The following EREG variants were observed in gnomAD, a reference collection of about 807,000 sequenced individuals.
The protein encoded by EREG is proepiregulin.
EREG carries 23 observed loss-of-function variants against 22.4 expected under a neutral mutation model. The ratio of observed to expected loss-of-function variants is 1.03; its 90% CI spans 0.74 to 1.46. The LOEUF (loss-of-function observed/expected upper bound fraction) is 1.46. Ranked by LOEUF, EREG falls within the 40% of genes most tolerant of loss-of-function variation. The pLI is 0.00. For synonymous variants in EREG, 100 were observed against 75.4 expected, an observed-to-expected ratio of 1.33 and a Z score of -1.69; for missense variants, 226 against 205.9, an observed-to-expected ratio of 1.10 and a Z score of -0.60.
chr4:74,376,772 A>G (rs1425851773), intron 1 of EREG, among the ~76,000 whole-genome samples: 1 of 152,180 alleles, frequency 6.6e-6, no homozygotes, highest in Non-Finnish European at 1.5e-5. Context: ...ATAAATTTGT[A>G]ACTCTTCTCT....
At chr4:74,369,868 T>C (rs1478207139) in intron 1 of EREG, among the ~76,000 whole-genome samples, 1 of 152,098 alleles carries the variant, frequency 6.6e-6, no homozygotes, top group African/African-American at 2.4e-5. Flanking sequence ...TAATTGTATG[T>C]AGATTTAATG....
chr4:74,370,582 A>T (rs574218125), intron 1 of EREG, among the ~76,000 whole-genome samples: 1 of 152,100 alleles, frequency 6.6e-6, no homozygotes, highest in South Asian at 2.1e-4. Context: ...TTATATTATT[A>T]TATTATTCAG....
chr4:74,384,570 C>CTT (rs5859426), intron 4 of EREG, among the ~76,000 whole-genome samples, 157 bp from the exon 5 acceptor site: 1 of 141,356 alleles, frequency 7.1e-6, no homozygotes, highest in Non-Finnish European at 1.5e-5. Context: ...CTTCATCCCT[C>CTT]TTTTTTTTTT....
At chr4:74,373,327 C>G (rs555431756) in intron 1 of EREG, among the ~76,000 whole-genome samples, 2 of 152,062 alleles carry the variant, frequency 1.3e-5, no homozygotes, top group South Asian at 4.1e-4. Context: ...GAAAGTATAA[C>G]TTAATGCTTA....
At position 74,388,357 on chromosome 4, in the gene EREG, T is replaced by C. The variant is rs1752607344; in HGVS notation, c.*3549T>C. On this transcript the variant is annotated 3_prime_UTR_variant, in exon 5 of 5. Coordinates refer to ENST00000244869, the MANE Select transcript of EREG (RefSeq NM_001432.3). Reference sequence around the variant, plus strand: ...AGTATTTCTGGTGTATATTTTAATGTTTTTAAAAAGAGTAATTTCATTTAA... The same window carrying C: ...AGTATTTCTGGTGTATATTTTAATGCTTTTAAAAAGAGTAATTTCATTTAA... The C allele has an allele frequency of 6.6e-6, 1 of 152,332 alleles. No individual in the cohort carries two copies. The highest frequency in any genetic ancestry group is 1.5e-5 in the Non-Finnish European group (1 of 68,022). The allele number at this position is 152,332 out of a possible 1,614,324, so 9.4% of individuals were successfully genotyped here. A position where few individuals can be genotyped will look rare whatever the true frequency, so the allele number is the denominator to read the frequency against.
chr4:74,379,573 A>C, intron 2 of EREG, 39 bp downstream of exon 2: 1 of 1,172,572 alleles, frequency 8.5e-7, no homozygotes, highest in East Asian at 2.3e-5. Flanking sequence ...AAGAGACTAC[A>C]TATTTTTAAA....
intron 1 of EREG, among the ~76,000 whole-genome samples, chr4:74,376,433 A>G (rs1437060184): frequency 6.6e-6 from 1 of 152,226 alleles, no homozygotes; most frequent in Non-Finnish European, 1.5e-5. Flanking sequence ...AGGAAACTGT[A>G]TTAGTTAAAG....
chr4:74,373,395 G>A (rs945269380), intron 1 of EREG, among the ~76,000 whole-genome samples: 3 of 151,660 alleles, frequency 2.0e-5, no homozygotes, highest in African/African-American at 7.3e-5. Flanking sequence ...AGATTCTATG[G>A]CTATTTTTCA....
Position 74,382,821 on chromosome 4 carries a change from C to A in EREG, c.428+27C>A, listed in dbSNP as rs955451778. 7 of 1,574,586 alleles carry A rather than the reference C, an allele frequency of 4.4e-6. No homozygotes were observed. In the South Asian group the frequency reaches 5.7e-5, roughly 13 times the overall value. On this transcript the variant is annotated intron_variant, in intron 4 of 4. Transcript: ENST00000244869. ...TAAGTCAGTGTGGTTTTATACTCTG[C>A]TTTTACAAATTACTTTTACATAATG...
chr4:74,381,230 T>C, intron 3 of EREG, 93 bp downstream of exon 3: 1 of 1,121,920 alleles, frequency 8.9e-7, no homozygotes, highest in Non-Finnish European at 1.3e-6. Context: ...ATATATTCAG[T>C]AGTGGTGAAG....
At chr4:74,378,929 A>G (rs147004840) in intron 1 of EREG, among the ~76,000 whole-genome samples, 1 of 152,222 alleles carries the variant, frequency 6.6e-6, no homozygotes, top group East Asian at 1.9e-4. Flanking sequence ...CCTAGCTTTC[A>G]CTGTATTAAT....
Position 74,377,709 on chromosome 4 carries a change from C to A in EREG, c.68-1739C>A, listed in dbSNP as rs1162955384. ...TCAGGAAACTTATCATGGCCGAAGG[C>A]GAAGGGGAAGCAAGCCCCTTTTTCA... is the stretch of plus-strand genomic sequence containing the variant. On this transcript the variant is annotated intron_variant, in intron 1 of 4. Transcript: ENST00000244869. Among the ~76,000 whole-genome samples, 3 of 152,172 alleles carry A rather than the reference C, an allele frequency of 2.0e-5. 1 individual carries two copies. Among genetic ancestry groups the A allele is most frequent in the Admixed American group, 2.0e-4 (3 of 15,278 alleles).
intron 1 of EREG, among the ~76,000 whole-genome samples, chr4:74,377,430 T>A (rs1222935320): frequency 6.6e-6 from 1 of 152,214 alleles, no homozygotes; most frequent in African/African-American, 2.4e-5. Context: ...AAGTGGCCCA[T>A]TTAACAATAT....
Position 74,365,774 on chromosome 4 carries a change from C to G in EREG, c.67+399C>G, listed in dbSNP as rs543392199. On this transcript the variant is annotated intron_variant, in intron 1 of 4. Coordinates refer to ENST00000244869, the MANE Select transcript of EREG (RefSeq NM_001432.3). ...TTTGTTGGAGAGTGGGGAATAGAAA[C>G]TAGCGTAAGAAATTTTTTGGAGGGG... is the stretch of plus-strand genomic sequence containing the variant. 4.7e-5 allele frequency among the ~76,000 whole-genome samples: 7 copies of G among 148,198 alleles called. No individual in the cohort carries two copies. The South Asian group carries it at 1.3e-3, about 27-fold the overall frequency.
chr4:74,383,066 A>G (rs552361704), intron 4 of EREG, among the ~76,000 whole-genome samples: 40 of 152,336 alleles, frequency 2.6e-4, no homozygotes, highest in African/African-American at 8.9e-4. Flanking sequence ...ATTATTTTTT[A>G]AAAATATGTT....
At chr4:74,366,079 T>G (rs1752175873) in intron 1 of EREG, among the ~76,000 whole-genome samples, 1 of 152,162 alleles carries the variant, frequency 6.6e-6, no homozygotes, top group East Asian at 1.9e-4. Flanking sequence ...TTGCACTCCA[T>G]AGCCTGTGAT....
At position 74,365,287 on chromosome 4, in the gene EREG, C is replaced by G. The variant is rs1434941037; in HGVS notation, c.-22C>G. On this transcript the variant is annotated 5_prime_UTR_variant, in exon 1 of 5. Coordinates refer to ENST00000244869, the MANE Select transcript of EREG (RefSeq NM_001432.3). ...CTCCGCAGCCGCCCTCCGCCAAGCCCCAGCGCCCGCTCCCATCGCCGATGA... is the reference window on the plus strand; with the variant it reads ...CTCCGCAGCCGCCCTCCGCCAAGCCGCAGCGCCCGCTCCCATCGCCGATGA... 1.9e-6 allele frequency: 3 copies of G among 1,597,634 alleles called. No homozygotes were observed. Among genetic ancestry groups the G allele is most frequent in the South Asian group, 2.2e-5 (2 of 90,720 alleles).
Position 74,384,815 on chromosome 4 carries a change from C to G in EREG, c.*7C>G. 1 of 1,582,262 alleles carries G rather than the reference C, an allele frequency of 6.3e-7. No homozygotes were observed. ...AGAGTTGCCGCAAGTCTGAATGGCG[C>G]CATCAAACTTATGGGCAGGGATAAC... On this transcript the variant is annotated 3_prime_UTR_variant, in exon 5 of 5. Transcript: ENST00000244869.
At chr4:74,378,454 C>A (rs2110387536) in intron 1 of EREG, among the ~76,000 whole-genome samples, 1 of 152,240 alleles carries the variant, frequency 6.6e-6, no homozygotes, top group Non-Finnish European at 1.5e-5. Context: ...TTCATTTCTT[C>A]AAACAAAATA....
Sources: gnomAD v4.1 joint callset for allele counts (sites outside exome capture counted in the v4.1 genomes callset) on GRCh38, gnomAD v4.1.1 for gene constraint, MANE v1.5 for transcripts, NCBI Gene and HGNC (gene_info 2026-07-23, HGNC 2026-07-21) for gene names.